The following FANCC variants were observed in gnomAD, a reference collection of about 807,000 sequenced individuals.
FANCC encodes the protein Fanconi anemia group C protein.
FANCC carries 55 observed loss-of-function variants against 71.3 expected under a neutral mutation model. The ratio of observed to expected loss-of-function variants is 0.77; its 90% CI spans 0.62 to 0.97. The LOEUF is 0.97. Among genes scored for constraint, FANCC ranks in the 50% least tolerant of loss-of-function variants. The pLI is 0.00. For missense variants in FANCC, 678 were observed against 670.9 expected (o/e 1.01, Z -0.12); for synonymous variants, 275 against 244.9 (o/e 1.12, Z -1.15).
rs561885351 is a variant in FANCC, at chr9:95,101,114, G to A, written c.*593C>T. The A allele has an allele frequency of 2.9e-5, 7 of 241,000 alleles. No homozygotes were observed. The Admixed American group carries it at 3.5e-4, about 12-fold the overall frequency. The allele number at this position is 241,000 out of a possible 1,614,324, so 14.9% of individuals were successfully genotyped here. A position where few individuals can be genotyped will look rare whatever the true frequency, so the allele number is the denominator to read the frequency against. On this transcript the variant is annotated 3_prime_UTR_variant, in exon 15 of 15. Coordinates refer to ENST00000289081, the MANE Select transcript of FANCC (RefSeq NM_000136.3). ...TCATTTAGCAAATACAGAGTGGAAA[G>A]AGTGTGCCGGAGGCCCGGGCTTGGG...
chr9:95,257,053 A>G (rs1406834108), intron 1 of FANCC, among the ~76,000 whole-genome samples: 4 of 152,230 alleles, frequency 2.6e-5, no homozygotes, highest in Admixed American at 2.6e-4. Flanking sequence ...TTAGAGGCCT[A>G]CAAAGAGACT....
chr9:95,167,828 GT>G (rs1825398643), intron 6 of FANCC, among the ~76,000 whole-genome samples: 1 of 152,242 alleles, frequency 6.6e-6, no homozygotes, highest in East Asian at 1.9e-4. Context: ...TTTAGGGTCT[GT>G]TTCTGTAGAT....
At chr9:95,234,544 G>A (rs1333806462) in intron 4 of FANCC, among the ~76,000 whole-genome samples, 2 of 152,182 alleles carry the variant, frequency 1.3e-5, no homozygotes, top group Non-Finnish European at 2.9e-5. Context: ...TCTTGATGAA[G>A]AACAAGATGG....
Position 95,274,424 on chromosome 9 carries a change from T to C in FANCC, c.-78-25055A>G, listed in dbSNP as rs554946177. On this transcript the variant is annotated intron_variant, in intron 1 of 14. Transcript: ENST00000289081. ...CACATTTTCTTTATCCAGTCTATCATTGGATGGGCATTTGGGTTGGTTCCA... is the reference window on the plus strand; with the variant it reads ...CACATTTTCTTTATCCAGTCTATCACTGGATGGGCATTTGGGTTGGTTCCA... Among the ~76,000 whole-genome samples the C allele has an allele frequency of 2.1e-4, 32 of 152,342 alleles. No homozygotes were observed. The South Asian group carries it at 6.4e-3, about 31-fold the overall frequency.
chr9:95,307,307 G>A (rs1196390127), intron 1 of FANCC, among the ~76,000 whole-genome samples: 1 of 151,930 alleles, frequency 6.6e-6, no homozygotes, highest in Non-Finnish European at 1.5e-5. Context: ...AGTAATGTTA[G>A]AAATAAATTA....
At chr9:95,235,583 G>A (rs1488960138) in intron 4 of FANCC, among the ~76,000 whole-genome samples, 1 of 152,120 alleles carries the variant, frequency 6.6e-6, no homozygotes, top group Non-Finnish European at 1.5e-5. Context: ...AGTGGCTCAC[G>A]CCTGTAATCC....
intron 14 of FANCC, among the ~76,000 whole-genome samples, chr9:95,105,255 T>C (rs1163789335): frequency 2.0e-5 from 3 of 152,166 alleles, no homozygotes; most frequent in Non-Finnish European, 4.4e-5. Context: ...AGGTGGGTCA[T>C]GTTACGGGGA....
chr9:95,172,207 GTACA>G, intron 4 of FANCC, 60 bp from the exon 5 acceptor site: 1 of 1,053,376 alleles, frequency 9.5e-7, no homozygotes, highest in Non-Finnish European at 1.5e-6. Context: ...TGCCTTTTAT[GTACA>G]ATGCCTACAA....
intron 4 of FANCC, among the ~76,000 whole-genome samples, chr9:95,182,901 G>C (rs1292522347): frequency 9.9e-5 from 15 of 152,126 alleles, no homozygotes; most frequent in East Asian, 1.9e-4. Flanking sequence ...AAGGTGACTG[G>C]GGAAGGAGTA....
At chr9:95,310,656 T>C (rs1242141244) in intron 1 of FANCC, among the ~76,000 whole-genome samples, 1 of 151,984 alleles carries the variant, frequency 6.6e-6, no homozygotes, top group African/African-American at 2.4e-5. Context: ...TAAAACACAC[T>C]CCTTAAACCA....
chr9:95,103,824 G>GC (rs1323429449), intron 14 of FANCC, among the ~76,000 whole-genome samples: 17 of 152,268 alleles, frequency 1.1e-4, no homozygotes, highest in African/African-American at 3.9e-4. Flanking sequence ...AGATGGGGCT[G>GC]CAGGACCAGT....
chr9:95,103,902 G>T (rs894392619), intron 14 of FANCC, among the ~76,000 whole-genome samples: 3 of 152,234 alleles, frequency 2.0e-5, no homozygotes, highest in African/African-American at 7.2e-5. Flanking sequence ...GCTCTGAAGA[G>T]AGATAGTGGC....
At chr9:95,264,610 T>C in intron 1 of FANCC, among the ~76,000 whole-genome samples, 1 of 152,046 alleles carries the variant, frequency 6.6e-6, no homozygotes, top group Admixed American at 6.6e-5. Flanking sequence ...AAAGTGCACT[T>C]TTTTCCCATT....
intron 8 of FANCC, among the ~76,000 whole-genome samples, chr9:95,128,846 C>A (rs1160271156): frequency 6.6e-6 from 1 of 152,154 alleles, no homozygotes; most frequent in Non-Finnish European, 1.5e-5. Context: ...AGGTAAGAGG[C>A]CAGGAGGCAG....
At chr9:95,199,496 GTTTGCCA>G (rs1827675283) in intron 4 of FANCC, among the ~76,000 whole-genome samples, 1 of 152,096 alleles carries the variant, frequency 6.6e-6, no homozygotes, top group Admixed American at 6.5e-5. Flanking sequence ...CCTCATGTCC[GTTTGCCA>G]TGACCTAACT....
At chr9:95,247,117 T>C (rs1831031036) in intron 3 of FANCC, among the ~76,000 whole-genome samples, 1 of 152,124 alleles carries the variant, frequency 6.6e-6, no homozygotes, top group Admixed American at 6.5e-5. Flanking sequence ...TGAAAGTGAT[T>C]ACAGGCAAAA....
At chr9:95,245,937 ATC>A (rs768698544) in intron 3 of FANCC, among the ~76,000 whole-genome samples, 2 of 151,936 alleles carry the variant, frequency 1.3e-5, no homozygotes, top group South Asian at 2.1e-4. Context: ...TGATCTCTCC[ATC>A]TCTCTCAAAA....
intron 13 of FANCC, chr9:95,111,117 C>T (rs2071880304): frequency 1.3e-6 from 2 of 1,531,868 alleles, no homozygotes; most frequent in Non-Finnish European, 1.7e-6. Flanking sequence ...CGGCACACCC[C>T]TCAGAACAGC....
chr9:95,205,638 T>C (rs1828076951), intron 4 of FANCC, among the ~76,000 whole-genome samples: 1 of 151,846 alleles, frequency 6.6e-6, no homozygotes, highest in South Asian at 2.1e-4. Flanking sequence ...ATTTATTACT[T>C]AAAATAACTC....
Sources: allele counts gnomAD v4.1 joint callset (sites outside exome capture counted in the v4.1 genomes callset), GRCh38; gene constraint gnomAD v4.1.1; transcripts MANE v1.5; gene names NCBI Gene and HGNC (gene_info 2026-07-23, HGNC 2026-07-21).